DLG2: variants seen among roughly 807,000 people sequenced by gnomAD.
DLG2 encodes disks large homolog 2.
A neutral mutation model predicts 132.5 loss-of-function variants in DLG2; 45 were observed. The ratio of observed to expected loss-of-function variants is 0.34; its 90% CI spans 0.27 to 0.44. The LOEUF is 0.44. Ranked by LOEUF, DLG2 falls within the 20% of genes least tolerant of loss-of-function variation. The pLI, the probability that DLG2 is intolerant of heterozygous loss-of-function variation, is 1.00. For synonymous variants in DLG2, 424 were observed against 419.6 expected (o/e 1.01, Z -0.13); for missense variants, 1,045 against 1,196.9 (o/e 0.87, Z 1.87).
intron 6 of DLG2, among the ~76,000 whole-genome samples, chr11:84,742,180 C>T (rs1419109602): frequency 6.6e-6 from 1 of 151,992 alleles, no homozygotes. Context: ...CAAATATTTA[C>T]CTTCTTTGCA....
intron 17 of DLG2, among the ~76,000 whole-genome samples, chr11:83,811,711 A>G (rs753388640): frequency 3.3e-5 from 5 of 152,154 alleles, no homozygotes; most frequent in Non-Finnish European, 5.9e-5. Flanking sequence ...GAAAAGGGAC[A>G]TTAAAGTCTT....
rs1349378906 is a variant in DLG2 at position 85,482,751 on chromosome 11, C to T, written c.40+115906G>A. On this transcript the variant is annotated intron_variant, in intron 3 of 27. Coordinates refer to ENST00000376104, the MANE Select transcript of DLG2 (RefSeq NM_001142699.3). ...CACATGGACCCCAGCATCAGGCTAA[C>T]CCCAGGCTCCAGGCTGGTCCCAGTG... 2.0e-5 allele frequency among the ~76,000 whole-genome samples: 3 copies of T among 152,006 alleles called. No homozygotes were observed. The East Asian group carries it at 5.8e-4, about 29-fold the overall frequency.
chr11:83,533,438 G>A (rs2095806558), intron 20 of DLG2, among the ~76,000 whole-genome samples: 1 of 152,148 alleles, frequency 6.6e-6, no homozygotes, highest in Non-Finnish European at 1.5e-5. Flanking sequence ...AATGAATTTG[G>A]CAAGAACAGT....
Position 84,947,659 on chromosome 11 carries a change from A to G in DLG2, c.357+164002T>C, listed in dbSNP as rs907383569. Among the ~76,000 whole-genome samples, 13 of 152,284 alleles carry G rather than the reference A, an allele frequency of 8.5e-5. 1 individual carries two copies. Among genetic ancestry groups the G allele is most frequent in the Admixed American group, 4.6e-4 (7 of 15,290 alleles). On this transcript the variant is annotated intron_variant, in intron 6 of 27. Coordinates refer to ENST00000376104, the MANE Select transcript of DLG2 (RefSeq NM_001142699.3). ...TCCTTTGCTATATAGAAATTTCTGAATAAATAGCCTCTGCTTGTTCATATT... is the reference window on the plus strand; with the variant it reads ...TCCTTTGCTATATAGAAATTTCTGAGTAAATAGCCTCTGCTTGTTCATATT...
At chr11:85,338,895 G>A (rs1305815666) in intron 3 of DLG2, among the ~76,000 whole-genome samples, 1 of 151,724 alleles carries the variant, frequency 6.6e-6, no homozygotes, top group Admixed American at 6.6e-5. Flanking sequence ...TAGTAGAGAC[G>A]GGGTTTCACC....
intron 19 of DLG2, among the ~76,000 whole-genome samples, chr11:83,596,883 G>C (rs1413082747): frequency 6.6e-6 from 1 of 151,936 alleles, no homozygotes; most frequent in Non-Finnish European, 1.5e-5. Context: ...TACATTCTGA[G>C]AATCGACCTA....
intron 3 of DLG2, among the ~76,000 whole-genome samples, chr11:85,562,109 AG>A (rs888119644): frequency 2.0e-5 from 3 of 151,812 alleles, no homozygotes; most frequent in African/African-American, 4.8e-5. Context: ...CTGTACCACC[AG>A]AAAATGTCAC....
chr11:83,539,546 AC>A, intron 20 of DLG2, among the ~76,000 whole-genome samples: 1 of 152,180 alleles, frequency 6.6e-6, no homozygotes. Flanking sequence ...AAAAGGTATT[AC>A]TTTTACAAAT....
intron 6 of DLG2, among the ~76,000 whole-genome samples, chr11:84,964,257 G>A (rs10898338): frequency 0.45 from 68,250 of 151,870 alleles, 16,943 homozygotes; most frequent in African/African-American, 0.66. Context: ...CCATTAAAAT[G>A]AAATTCATAT....
intron 7 of DLG2, among the ~76,000 whole-genome samples, chr11:84,532,324 C>A (rs2099344831): frequency 6.6e-6 from 1 of 151,844 alleles, no homozygotes; most frequent in African/African-American, 2.4e-5. Flanking sequence ...TATTAGTTGA[C>A]TTAAATATAA....
intron 6 of DLG2, among the ~76,000 whole-genome samples, chr11:84,952,382 T>C (rs1210943117): frequency 6.6e-6 from 1 of 152,040 alleles, no homozygotes; most frequent in Non-Finnish European, 1.5e-5. Flanking sequence ...CCGGGCGCAG[T>C]GGCGGGCGCC....
In DLG2 at chr11:85,449,917, C is replaced by A. The variant is rs543353095; in HGVS notation, c.40+148740G>T. Among the ~76,000 whole-genome samples the A allele has an allele frequency of 2.0e-5, 3 of 151,848 alleles. No homozygotes were observed. The East Asian group carries it at 5.8e-4, about 29-fold the overall frequency. On this transcript the variant is annotated intron_variant, in intron 3 of 27. Coordinates refer to ENST00000376104, the MANE Select transcript of DLG2 (RefSeq NM_001142699.3). Reference sequence around the variant, plus strand: ...CCAAGGTGGGTGGATCACCTGAGGTCGGGAGTTCGAGACCAGCCTGACCAA... The same window carrying A: ...CCAAGGTGGGTGGATCACCTGAGGTAGGGAGTTCGAGACCAGCCTGACCAA...
intron 6 of DLG2, among the ~76,000 whole-genome samples, chr11:84,912,086 C>A (rs1198366657): frequency 2.0e-5 from 3 of 152,182 alleles, no homozygotes; most frequent in Non-Finnish European, 4.4e-5. Context: ...TTTGAGATAA[C>A]CACCAAATTT....
At chr11:84,145,984 T>G (rs2095065004) in intron 9 of DLG2, among the ~76,000 whole-genome samples, 1 of 152,170 alleles carries the variant, frequency 6.6e-6, no homozygotes, top group Non-Finnish European at 1.5e-5. Flanking sequence ...TTCCCTGACA[T>G]CTGACTCAGA....
intron 21 of DLG2, among the ~76,000 whole-genome samples, chr11:83,493,379 C>CCTT (rs2093977298): frequency 1.3e-5 from 1 of 79,520 alleles, no homozygotes; most frequent in South Asian, 3.7e-4. Flanking sequence ...TTCCTTCCTT[C>CCTT]CTTCCTTCCT....
At chr11:83,898,361 C>T (rs910551075) in intron 15 of DLG2, among the ~76,000 whole-genome samples, 1 of 152,002 alleles carries the variant, frequency 6.6e-6, no homozygotes, top group Non-Finnish European at 1.5e-5. Context: ...CTGATTTTCT[C>T]ATGCTAGGGA....
At chr11:85,182,804 A>T (rs1402797114) in intron 4 of DLG2, among the ~76,000 whole-genome samples, 1 of 150,764 alleles carries the variant, frequency 6.6e-6, no homozygotes, top group Non-Finnish European at 1.5e-5. Context: ...AAGAAAAAAA[A>T]GGGGAGGCAC....
intron 6 of DLG2, among the ~76,000 whole-genome samples, chr11:84,973,359 T>C (rs533821369): frequency 2.6e-4 from 40 of 152,260 alleles, no homozygotes; most frequent in African/African-American, 9.1e-4. Context: ...GCAGGAGGCG[T>C]CTGTATTGTA....
chr11:85,099,421 A>C (rs2152267356), intron 6 of DLG2, among the ~76,000 whole-genome samples: 1 of 152,342 alleles, frequency 6.6e-6, no homozygotes, highest in Admixed American at 6.5e-5. Context: ...AGGCACATTA[A>C]CAACATCTCT....
Sources: gnomAD v4.1 joint callset for allele counts (sites outside exome capture counted in the v4.1 genomes callset) on GRCh38, gnomAD v4.1.1 for gene constraint, MANE v1.5 for transcripts, NCBI Gene and HGNC (gene_info 2026-07-23, HGNC 2026-07-21) for gene names.